The following NFASC variants were observed in gnomAD, a reference collection of about 807,000 sequenced individuals.
NFASC encodes neurofascin, also known as neurofascin homolog.
In NFASC, 43 loss-of-function variants were observed where a neutral mutation model predicts 147.5. The ratio of observed to expected loss-of-function variants is 0.29; its 90% CI spans 0.23 to 0.38. The LOEUF (loss-of-function observed/expected upper bound fraction) is 0.38, where lower values mean the gene tolerates loss of function less well. NFASC is among the 10% of genes least tolerant of loss of function. The pLI is 1.00. For missense variants in NFASC, 1,320 were observed against 1,689.0 expected (o/e 0.78, Z 3.83); for synonymous variants, 622 against 665.5 (o/e 0.93, Z 1.01).
intron 1 of NFASC, among the ~76,000 whole-genome samples, chr1:204,846,079 G>A (rs960805654): frequency 6.6e-6 from 1 of 151,736 alleles, no homozygotes; most frequent in Non-Finnish European, 1.5e-5. Context: ...GCCCATGGCT[G>A]GGCGCCGTGG....
intron 27 of NFASC, among the ~76,000 whole-genome samples, chr1:205,007,633 G>T (rs2096150266): frequency 6.6e-6 from 1 of 152,162 alleles, no homozygotes; most frequent in African/African-American, 2.4e-5. Flanking sequence ...AAGCTGGGAA[G>T]GTTCAGGAAG....
intron 1 of NFASC, among the ~76,000 whole-genome samples, chr1:204,836,018 C>A (rs912134845): frequency 3.3e-5 from 5 of 152,158 alleles, no homozygotes; most frequent in African/African-American, 9.7e-5. Flanking sequence ...TGATGCTGGC[C>A]AATTTGCTTT....
intron 1 of NFASC, among the ~76,000 whole-genome samples, chr1:204,879,342 C>G (rs2079666368): frequency 6.6e-6 from 1 of 152,178 alleles, no homozygotes; most frequent in South Asian, 2.1e-4. Flanking sequence ...CTACTCGTCT[C>G]CCCCGCAAAA....
chr1:204,993,291 C>T (rs1372624839), intron 24 of NFASC, among the ~76,000 whole-genome samples: 8 of 152,150 alleles, frequency 5.3e-5, no homozygotes, highest in African/African-American at 1.7e-4. Context: ...GTGATTTGGC[C>T]GGGGTAGTCA....
At chr1:204,837,951 A>G (rs567262043) in intron 1 of NFASC, among the ~76,000 whole-genome samples, 70 of 152,324 alleles carry the variant, frequency 4.6e-4, no homozygotes, top group African/African-American at 1.6e-3. Flanking sequence ...TTGGGTTTAC[A>G]TGAGAATTCC....
intron 2 of NFASC, among the ~76,000 whole-genome samples, chr1:204,934,095 G>A (rs1010295985): frequency 1.5e-4 from 21 of 144,264 alleles, no homozygotes; most frequent in Non-Finnish European, 2.2e-4. Context: ...CTGAGATCAC[G>A]CTATTGCACT....
intron 2 of NFASC, among the ~76,000 whole-genome samples, chr1:204,935,788 C>T (rs1386075032): frequency 6.6e-6 from 1 of 152,176 alleles, no homozygotes; most frequent in Non-Finnish European, 1.5e-5. Flanking sequence ...GCAGCCTTAG[C>T]CTGGCGTGTT....
At chr1:204,985,600 G>A (rs1355165282) in intron 21 of NFASC, among the ~76,000 whole-genome samples, 2 of 152,168 alleles carry the variant, frequency 1.3e-5, no homozygotes, top group African/African-American at 4.8e-5. Context: ...ACCCACCTTG[G>A]AAATCAGTCT....
chr1:204,942,028 C>T (rs1394002615), intron 2 of NFASC, among the ~76,000 whole-genome samples: 3 of 152,142 alleles, frequency 2.0e-5, no homozygotes, highest in East Asian at 1.9e-4. Context: ...ATCCATATGT[C>T]GATCCCTCTC....
rs1372952802 is a variant in NFASC, at chr1:204,968,503, T to A, written c.818+143T>A. On this transcript the variant is annotated intron_variant, in intron 9 of 29. Transcript: ENST00000339876. The surrounding 1 kb of genome is among the most constrained non-coding windows in gnomAD (Gnocchi z 5.4). ...AGCAAACAGCCTCTAGTGAGCAGGG[T>A]GTTGCAAACCATAGTCATCTCCATC... 1.5e-6 allele frequency: 1 copy of A among 656,222 alleles called. No homozygotes were observed. Among genetic ancestry groups the A allele is most frequent in the Non-Finnish European group, 2.7e-6 (1 of 375,820 alleles). 40.6% of individuals were successfully genotyped at this position (656,222 alleles called of 1,614,324 possible).
chr1:204,944,224 A>ATAAGAGCCCAGTGAGT lies in NFASC; in HGVS notation c.-90-2_-90-1insTAAGAGCCCAGTGAGT. 6.4e-7 allele frequency: 1 copy of ATAAGAGCCCAGTGAGT among 1,558,898 alleles called. No homozygotes were observed. The highest frequency in any genetic ancestry group is 8.7e-7 in the Non-Finnish European group (1 of 1,153,606). On this transcript the variant is annotated splice_acceptor_variant, in intron 2 of 29. Coordinates refer to ENST00000339876, the MANE Select transcript of NFASC (RefSeq NM_001005388.3). LOFTEE classifies it low-confidence loss of function (5UTR_SPLICE). The stretch of plus-strand genomic sequence containing the variant: ...CACTTGCTCTTATGTTTCTTTCCAC[A>ATAAGAGCCCAGTGAGT]GCTGAGTGCTGTCCAGGAGGCCCAG...
At chr1:205,000,968 A>G in intron 25 of NFASC, 1 of 604,292 alleles carries the variant, frequency 1.7e-6, no homozygotes, top group Non-Finnish European at 3.0e-6. Flanking sequence ...CCTGGCCACC[A>G]AGGCTGCAGC....
chr1:204,877,067 TTTATATATATATAATATATTTATTTA>T, intron 1 of NFASC, among the ~76,000 whole-genome samples: 1 of 110,526 alleles, frequency 9.0e-6, no homozygotes, highest in South Asian at 2.5e-4. Context: ...TATTTATATA[TTTATATATATATAATATATTTATTTA>T]TATATTTATA....
Position 204,975,921 on chromosome 1 carries a change from G to A in NFASC, c.1706+503G>A, listed in dbSNP as rs538905862. 6.6e-6 allele frequency among the ~76,000 whole-genome samples: 1 copy of A among 152,222 alleles called. No homozygotes were observed. The highest frequency in any genetic ancestry group is 2.1e-4 in the South Asian group (1 of 4,824). ...CGCTCCTCAGACCCTGATTTCATTG[G>A]TGTAGGGTAGGACTTAGGACACTGG... On this transcript the variant is annotated intron_variant, in intron 15 of 29. Coordinates refer to ENST00000339876, the MANE Select transcript of NFASC (RefSeq NM_001005388.3). The surrounding 1 kb of genome is among the most constrained non-coding windows in gnomAD (Gnocchi z 4.0).
intron 1 of NFASC, among the ~76,000 whole-genome samples, chr1:204,905,355 C>A (rs1328960421): frequency 6.9e-6 from 1 of 145,726 alleles, no homozygotes; most frequent in African/African-American, 2.6e-5. Context: ...TCCTTTCCAG[C>A]TTTTGTTATT....
At chr1:204,994,223 C>G (rs532205778) in intron 24 of NFASC, among the ~76,000 whole-genome samples, 96 of 152,338 alleles carry the variant, frequency 6.3e-4, no homozygotes, top group African/African-American at 2.2e-3. Context: ...CTGAGCCAGA[C>G]AGGAAGCAGC....
At chr1:204,927,312 A>G (rs2091811083) in intron 2 of NFASC, among the ~76,000 whole-genome samples, 1 of 152,180 alleles carries the variant, frequency 6.6e-6, no homozygotes, top group South Asian at 2.1e-4. Flanking sequence ...CATTTCATAT[A>G]AATGGAATCA....
At chr1:204,885,482 C>T (rs2081150509) in intron 1 of NFASC, among the ~76,000 whole-genome samples, 1 of 152,198 alleles carries the variant, frequency 6.6e-6, no homozygotes, top group Admixed American at 6.5e-5. Context: ...CCCTCTTTGC[C>T]CTCACTGGAC....
intron 2 of NFASC, among the ~76,000 whole-genome samples, chr1:204,936,724 A>G (rs778157203): frequency 3.3e-5 from 5 of 152,130 alleles, no homozygotes; most frequent in Non-Finnish European, 7.4e-5. Flanking sequence ...TCTGCCCTCC[A>G]TGTGGCAGCC....
Sources: gnomAD v4.1 joint callset for allele counts (sites outside exome capture counted in the v4.1 genomes callset) on GRCh38, gnomAD v4.1.1 for gene constraint, Gnocchi (gnomAD v3.1) non-coding constraint, MANE v1.5 for transcripts, NCBI Gene and HGNC (gene_info 2026-07-23, HGNC 2026-07-21) for gene names.